DEPTOR: variants seen among roughly 807,000 people sequenced by gnomAD.
The protein encoded by DEPTOR is DEP domain containing MTOR interacting protein.
In DEPTOR, 41 loss-of-function variants were observed where a neutral mutation model predicts 41.6. The observed-to-expected ratio is 0.98, with a 90% CI of 0.77 to 1.28. DEPTOR has a LOEUF of 1.28. Ranked by LOEUF, DEPTOR falls within the 50% of genes most tolerant of loss-of-function variation. The probability of loss-of-function intolerance (pLI) is 0.00; values close to 1 mark genes in which losing one functional copy is unlikely to be tolerated. For synonymous variants in DEPTOR, 195 were observed against 192.3 expected, an observed-to-expected ratio of 1.01 and a Z score of -0.12; for missense variants, 514 against 527.9, an observed-to-expected ratio of 0.97 and a Z score of 0.26.
intron 8 of DEPTOR, among the ~76,000 whole-genome samples, chr8:120,020,191 G>A (rs1324691187): frequency 6.6e-6 from 1 of 152,118 alleles, no homozygotes; most frequent in Admixed American, 6.6e-5. Flanking sequence ...GGGTTTAAGC[G>A]ATCTTCCTTC....
At chr8:119,965,193 G>T (rs760459805) in intron 3 of DEPTOR, 39 bp from the exon 4 acceptor site, 1 of 1,578,532 alleles carries the variant, frequency 6.3e-7, no homozygotes, top group East Asian at 2.3e-5. Flanking sequence ...TTTTCCTTTC[G>T]TATAGGTTTA....
chr8:119,928,530 G>T lies in DEPTOR; in HGVS notation c.253G>T (p.Ala85Ser), dbSNP rs1465115403. The T allele has an allele frequency of 1.9e-6, 3 of 1,614,122 alleles. No homozygotes were observed. Among genetic ancestry groups the T allele is most frequent in the Admixed American group, 1.7e-5 (1 of 60,010 alleles). The change falls in exon 2 of 9, where the codon GCA becomes TCA. Residue 85 changes from alanine (A) to serine (S), a missense_variant. Ala to Ser is a moderately conservative substitution (Grantham distance 99). Coordinates refer to ENST00000286234, the MANE Select transcript of DEPTOR (RefSeq NM_022783.4). Reference protein sequence around the residue: ...EHKEASDRETAIKLMQKLADR... With the variant: ...EHKEASDRETSIKLMQKLADR... ...CAAAGAGGCTTCTGACAGAGAGACG[G>T]CAATTAAACTCATGCAGAAATTAGC...
rs111693158 is a variant in DEPTOR, at chr8:119,892,786, ATTTT to A, written c.122+18829_122+18832del. On this transcript the variant is annotated intron_variant, in intron 1 of 8. Coordinates refer to ENST00000286234, the MANE Select transcript of DEPTOR (RefSeq NM_022783.4). Reference sequence around the variant, plus strand: ...TCTGATTACTAAGGACTTTATTATAATTTTTTTTTTTTTTGAGACGGAGTCTCGC... The same window carrying A: ...TCTGATTACTAAGGACTTTATTATAATTTTTTTTTTGAGACGGAGTCTCGC... Among the ~76,000 whole-genome samples, 148 of 147,226 alleles carry A rather than the reference ATTTT, an allele frequency of 1.0e-3. 2 individuals carry two copies. In the East Asian group the frequency reaches 0.025, roughly 25 times the overall value.
At chr8:119,992,337 C>T (rs1812185836) in intron 4 of DEPTOR, among the ~76,000 whole-genome samples, 1 of 152,162 alleles carries the variant, frequency 6.6e-6, no homozygotes, top group African/African-American at 2.4e-5. Context: ...CACTGGTTTG[C>T]AGTTAGCCCC....
intron 3 of DEPTOR, among the ~76,000 whole-genome samples, chr8:119,935,450 G>T (rs1168512151): frequency 6.6e-6 from 1 of 152,156 alleles, no homozygotes; most frequent in Non-Finnish European, 1.5e-5. Flanking sequence ...GCCAGACACG[G>T]TGGCTCACAC....
chr8:120,044,031 G>A (rs534938551), intron 8 of DEPTOR, among the ~76,000 whole-genome samples: 1 of 150,414 alleles, frequency 6.6e-6, no homozygotes, highest in Non-Finnish European at 1.5e-5. Context: ...GATTGCATTG[G>A]GGATGGTGGG....
At chr8:119,965,459 A>G (rs772341286) in intron 4 of DEPTOR, 49 bp downstream of exon 4, 2 of 1,588,338 alleles carry the variant, frequency 1.3e-6, no homozygotes, top group Non-Finnish European at 1.7e-6. Flanking sequence ...GCCAGCCCCA[A>G]ATCTTGTGTC....
chr8:119,891,863 A>G (rs150985749), intron 1 of DEPTOR, among the ~76,000 whole-genome samples: 47 of 152,352 alleles, frequency 3.1e-4, no homozygotes, highest in African/African-American at 9.9e-4. Flanking sequence ...TAAGATGCAG[A>G]CTTCTGGGAA....
intron 1 of DEPTOR, among the ~76,000 whole-genome samples, chr8:119,909,540 T>C (rs1465167846): frequency 6.6e-6 from 1 of 152,244 alleles, no homozygotes; most frequent in East Asian, 1.9e-4. Flanking sequence ...ACAGAGCCTT[T>C]AGGGTGGCAT....
chr8:119,933,817 CTT>C (rs1828075669), intron 3 of DEPTOR, among the ~76,000 whole-genome samples: 1 of 152,028 alleles, frequency 6.6e-6, no homozygotes, highest in Admixed American at 6.6e-5. Context: ...CTTTGTGAAA[CTT>C]TGTGGTTTCT....
At chr8:119,875,125 A>C (rs1226648637) in intron 1 of DEPTOR, among the ~76,000 whole-genome samples, 1 of 152,186 alleles carries the variant, frequency 6.6e-6, no homozygotes, top group East Asian at 1.9e-4. Context: ...ACGTGGTCAG[A>C]ATTAAAGGGA....
chr8:119,961,988 C>A lies in DEPTOR; in HGVS notation c.426-3244C>A, dbSNP rs111464097. Among the ~76,000 whole-genome samples, 509 of 151,574 alleles carry A rather than the reference C, an allele frequency of 3.4e-3. 3 individuals are homozygous for A. Among genetic ancestry groups the A allele is most frequent in the African/African-American group, 0.012 (489 of 41,322 alleles). Reference sequence around the variant, plus strand: ...AGGTGTGGTAGCTCACCCCTGTAATCCCAGCACTTTGAGAGGCCAAGGCCA... The same window carrying A: ...AGGTGTGGTAGCTCACCCCTGTAATACCAGCACTTTGAGAGGCCAAGGCCA... On this transcript the variant is annotated intron_variant, in intron 3 of 8. Transcript: ENST00000286234.
At chr8:119,972,886 T>C (rs1416683636) in intron 4 of DEPTOR, among the ~76,000 whole-genome samples, 1 of 152,068 alleles carries the variant, frequency 6.6e-6, no homozygotes, top group Non-Finnish European at 1.5e-5. Flanking sequence ...CTCCAAACAA[T>C]GACCAGGGAC....
intron 4 of DEPTOR, among the ~76,000 whole-genome samples, chr8:119,988,958 C>CTTTTTTTTTTTTTTTTT (rs71571643): frequency 3.2e-5 from 3 of 93,976 alleles, no homozygotes; most frequent in Non-Finnish European, 5.8e-5. Context: ...TTTTTTTTTT[C>CTTTTTTTTTTTTTTTTT]TTTTTTTTTT....
rs768075265 is a variant in DEPTOR, at chr8:120,009,134, G to T, written c.1101+1G>T. On this transcript the variant is annotated splice_donor_variant, in intron 8 of 8. Transcript: ENST00000286234. LOFTEE classifies it high-confidence loss of function. Reference sequence around the variant, plus strand: ...CCCTGCAGCCGCAGCAGGAATGAAGGTACTAACGGGTCTTTCTCACCCTCT... The same window carrying T: ...CCCTGCAGCCGCAGCAGGAATGAAGTTACTAACGGGTCTTTCTCACCCTCT... 5.0e-6 allele frequency: 8 copies of T among 1,613,132 alleles called. No individual in the cohort carries two copies. The highest frequency in any genetic ancestry group is 1.1e-5 in the South Asian group (1 of 90,736).
At chr8:119,923,893 C>CTTTTTTTTTTTTTTTT (rs769960283) in intron 1 of DEPTOR, among the ~76,000 whole-genome samples, 9 of 104,978 alleles carry the variant, frequency 8.6e-5, no homozygotes, top group Non-Finnish European at 1.1e-4. Flanking sequence ...TTTTTTCTTT[C>CTTTTTTTTTTTTTTTT]TTTTTTTTTT....
chr8:120,024,288 TGA>T (rs1812766497), intron 8 of DEPTOR, among the ~76,000 whole-genome samples: 1 of 152,124 alleles, frequency 6.6e-6, no homozygotes, highest in Non-Finnish European at 1.5e-5. Context: ...GTGGCACACA[TGA>T]CTTCTTTTAC....
intron 6 of DEPTOR, among the ~76,000 whole-genome samples, chr8:120,006,388 G>T (rs1812437900): frequency 6.6e-6 from 1 of 152,042 alleles, no homozygotes; most frequent in South Asian, 2.1e-4. Flanking sequence ...GCCAGATATG[G>T]TGTTGGGTGC....
intron 3 of DEPTOR, among the ~76,000 whole-genome samples, chr8:119,936,019 T>TA (rs1250471618): frequency 3.8e-4 from 51 of 133,478 alleles, no homozygotes; most frequent in East Asian, 1.4e-3. Context: ...TTTTTTTTTT[T>TA]ATCCAAAGGG....
Sources: allele counts gnomAD v4.1 joint callset (sites outside exome capture counted in the v4.1 genomes callset), GRCh38; gene constraint gnomAD v4.1.1; transcripts MANE v1.5; gene names NCBI Gene and HGNC (gene_info 2026-07-23, HGNC 2026-07-21).